The following ERGIC2 variants were observed in gnomAD, a reference collection of about 807,000 sequenced individuals.
ERGIC2 encodes ERGIC and golgi 2, also known as endoplasmic reticulum-Golgi intermediate compartment protein 2.
ERGIC2 carries 31 observed loss-of-function variants against 52.5 expected under a neutral mutation model. The ratio of observed to expected loss-of-function variants is 0.59; its 90% CI spans 0.44 to 0.80. The LOEUF (loss-of-function observed/expected upper bound fraction) is 0.80. ERGIC2 is among the 30% of genes least tolerant of loss of function. The probability of loss-of-function intolerance (pLI) is 0.00; values close to 1 mark genes in which losing one functional copy is unlikely to be tolerated. For missense variants in ERGIC2, 395 were observed against 455.2 expected, an observed-to-expected ratio of 0.87 and a Z score of 1.20; for synonymous variants, 129 against 140.6, an observed-to-expected ratio of 0.92 and a Z score of 0.58.
In ERGIC2 at chr12:29,341,755, T is replaced by A; in HGVS notation, c.1050A>T (p.Gly350=). The change falls in exon 13 of 14, where the codon GGA becomes GGT. Residue 350 remains glycine (G), a synonymous_variant. Coordinates refer to ENST00000360150, the MANE Select transcript of ERGIC2 (RefSeq NM_016570.3). ...TTACAGAATTGACAGGTTTATAGGA[T>A]CCAAGTCTGAAACGACAGCAAATTA... The part of the protein sequence containing the change: ...VEIICCRFRL[G]SYKPVNSVPF... 6.3e-7 allele frequency: 1 copy of A among 1,595,120 alleles called. No homozygotes were observed. Among genetic ancestry groups the A allele is most frequent in the African/African-American group, 1.3e-5 (1 of 74,602 alleles).
intron 12 of ERGIC2, among the ~76,000 whole-genome samples, chr12:29,342,539 A>G (rs1054759176): frequency 4.6e-5 from 7 of 152,196 alleles, no homozygotes; most frequent in Non-Finnish European, 1.0e-4. Context: ...CTTTTTCTCT[A>G]TTGTACTTAA....
intron 9 of ERGIC2, 24 bp downstream of exon 9, chr12:29,349,989 G>GA (rs746500925): frequency 7.2e-6 from 11 of 1,522,862 alleles, no homozygotes; most frequent in African/African-American, 1.4e-5. Context: ...CATCTTTACT[G>GA]AAAAAAAGTC....
intron 6 of ERGIC2, among the ~76,000 whole-genome samples, chr12:29,359,235 A>C (rs1420771128): frequency 6.6e-6 from 1 of 151,964 alleles, no homozygotes; most frequent in Non-Finnish European, 1.5e-5. Flanking sequence ...ATTTAAAGAC[A>C]TTGAATCTTT....
chr12:29,355,284 A>G (rs979879887), intron 8 of ERGIC2, among the ~76,000 whole-genome samples: 4 of 152,332 alleles, frequency 2.6e-5, no homozygotes, highest in Admixed American at 2.0e-4. Flanking sequence ...TTCACTGCTT[A>G]AGTGTGGATT....
rs1349931218 is a variant in ERGIC2, at chr12:29,350,047, A to T, written c.594T>A (p.Gly198=). The T allele has an allele frequency of 1.2e-6, 2 of 1,607,082 alleles. No homozygotes were observed. The highest frequency in any genetic ancestry group is 1.7e-6 in the Non-Finnish European group (2 of 1,174,582). The change falls in exon 9 of 14, where the codon GGT becomes GGA. Residue 198 remains glycine (G), a synonymous_variant. Coordinates refer to ENST00000360150, the MANE Select transcript of ERGIC2 (RefSeq NM_016570.3). ...TGACAAGTGCTGCCAAATGTGCATG[A>T]CCACGAGGATGTGGAATTGCCCTGA... ...TVGKAIPHPR[G]HAHLAALVNH...
intron 10 of ERGIC2, 74 bp downstream of exon 10, chr12:29,349,005 A>G: frequency 1.4e-6 from 1 of 703,546 alleles, no homozygotes; most frequent in Non-Finnish European, 2.4e-6. Context: ...GAAGACATTA[A>G]AAATGTATTA....
At chr12:29,359,236 T>A (rs933269684) in intron 6 of ERGIC2, among the ~76,000 whole-genome samples, 1 of 151,874 alleles carries the variant, frequency 6.6e-6, no homozygotes, top group Non-Finnish European at 1.5e-5. Flanking sequence ...TTTAAAGACA[T>A]TGAATCTTTG....
intron 8 of ERGIC2, among the ~76,000 whole-genome samples, 198 bp from the exon 9 acceptor site, chr12:29,350,266 T>C (rs1446531984): frequency 6.6e-6 from 1 of 152,154 alleles, no homozygotes; most frequent in African/African-American, 2.4e-5. Context: ...GCAAACATTT[T>C]TGGCAAAGAG....
intron 13 of ERGIC2, 82 bp downstream of exon 13, chr12:29,341,650 GGT>G: frequency 1.3e-6 from 1 of 748,128 alleles, no homozygotes; most frequent in Admixed American, 2.2e-5. Context: ...TGGGATTACA[GGT>G]GTGAGCCACC....
At chr12:29,343,356 C>T in intron 11 of ERGIC2, 74 bp from the exon 12 acceptor site, 1 of 1,226,874 alleles carries the variant, frequency 8.2e-7, no homozygotes, top group Non-Finnish European at 1.1e-6. Context: ...TGGTTACTTA[C>T]ATACATTCAA....
At chr12:29,379,840 T>C (rs1441242832) in intron 1 of ERGIC2, among the ~76,000 whole-genome samples, 2 of 151,668 alleles carry the variant, frequency 1.3e-5, no homozygotes, top group Non-Finnish European at 2.9e-5. Flanking sequence ...TAAAAGTAAC[T>C]TCTGGTAAAG....
intron 5 of ERGIC2, among the ~76,000 whole-genome samples, 173 bp downstream of exon 5, chr12:29,366,699 TATATA>T (rs1261815248): frequency 3.9e-5 from 6 of 151,956 alleles, no homozygotes; most frequent in East Asian, 3.9e-4. Flanking sequence ...AAGATTTTGG[TATATA>T]ATATAACTTT....
chr12:29,361,427 T>A lies in ERGIC2; in HGVS notation c.374+218A>T, dbSNP rs548832114. On this transcript the variant is annotated intron_variant, in intron 6 of 13. Transcript: ENST00000360150. ...AGTTGATACCATTTTAAATAAAAAC[T>A]AAAACTTATGAATCAAAGTTTACCA... 1.8e-4 allele frequency among the ~76,000 whole-genome samples: 28 copies of A among 152,318 alleles called. No homozygotes were observed. In the South Asian group the frequency reaches 2.3e-3, roughly 12 times the overall value.
chr12:29,381,082 G>A (rs1269507308), intron 1 of ERGIC2, 33 bp downstream of exon 1: 2 of 152,194 alleles, frequency 1.3e-5, no homozygotes, highest in East Asian at 1.9e-4. Flanking sequence ...AACAACCGAG[G>A]GAACAGCACC....
chr12:29,346,018 A>T (rs189346981), intron 10 of ERGIC2, among the ~76,000 whole-genome samples: 23 of 152,074 alleles, frequency 1.5e-4, no homozygotes, highest in Admixed American at 6.5e-4. Flanking sequence ...AACAAAAAAA[A>T]TTTTTAAAAG....
intron 1 of ERGIC2, among the ~76,000 whole-genome samples, chr12:29,379,408 A>C (rs1023680138): frequency 6.6e-6 from 1 of 152,142 alleles, no homozygotes; most frequent in Non-Finnish European, 1.5e-5. Flanking sequence ...ATAATTTAAG[A>C]AAACAAGCAA....
At chr12:29,343,964 T>C (rs1323912188) in intron 11 of ERGIC2, among the ~76,000 whole-genome samples, 1 of 152,192 alleles carries the variant, frequency 6.6e-6, no homozygotes, top group Admixed American at 6.5e-5. Flanking sequence ...TCCATTCTTT[T>C]TTAAGTTAAA....
At chr12:29,361,519 T>C (rs1474182311) in intron 6 of ERGIC2, 126 bp downstream of exon 6, 5 of 583,156 alleles carry the variant, frequency 8.6e-6, no homozygotes, top group Non-Finnish European at 1.4e-5. Context: ...TTATATTATA[T>C]ACCAAATTCT....
chr12:29,351,083 A>G (rs1276402539), intron 8 of ERGIC2, among the ~76,000 whole-genome samples: 4 of 152,092 alleles, frequency 2.6e-5, no homozygotes, highest in African/African-American at 9.7e-5. Context: ...CTCAAAAAAT[A>G]TACTGCTAAG....
Sources: gnomAD v4.1 joint callset for allele counts (sites outside exome capture counted in the v4.1 genomes callset) on GRCh38, gnomAD v4.1.1 for gene constraint, MANE v1.5 for transcripts, NCBI Gene and HGNC (gene_info 2026-07-23, HGNC 2026-07-21) for gene names.